Variants in STK32B observed in about 807,000 individuals in gnomAD.
STK32B encodes the protein serine/threonine-protein kinase 32B.
A neutral mutation model predicts 52.6 loss-of-function variants in STK32B; 43 were observed. The observed-to-expected ratio is 0.82, with a 90% confidence interval of 0.64 to 1.05. The LOEUF (loss-of-function observed/expected upper bound fraction) is 1.05, where lower values mean the gene tolerates loss of function less well. Ranked by LOEUF, STK32B falls within the 50% of genes least tolerant of loss-of-function variation. The pLI is 0.00. For synonymous variants in STK32B, 238 were observed against 204.3 expected, an observed-to-expected ratio of 1.17 and a Z score of -1.41; for missense variants, 621 against 534.6, an observed-to-expected ratio of 1.16 and a Z score of -1.59.
upstream of STK32B, chr4:5,051,323 GACAAACCGCTT>G: frequency 6.4e-6 from 1 of 156,244 alleles, no homozygotes; most frequent in African/African-American, 2.4e-5. Flanking sequence ...AGTGGGTGCT[GACAAACCGCTT>G]ACTGCCTGCA....
intron 3 of STK32B, among the ~76,000 whole-genome samples, chr4:5,190,086 G>T (rs1021877140): frequency 9.9e-5 from 15 of 152,086 alleles, no homozygotes; most frequent in African/African-American, 3.6e-4. Flanking sequence ...CACTGAACTG[G>T]AAACCAGAAT....
intron 1 of STK32B, among the ~76,000 whole-genome samples, chr4:5,095,362 C>A (rs927725981): frequency 6.6e-6 from 1 of 152,300 alleles, no homozygotes; most frequent in South Asian, 2.1e-4. Context: ...CACCTGTAAT[C>A]CCACCACTTT....
intron 1 of STK32B, among the ~76,000 whole-genome samples, chr4:5,089,815 C>T (rs879004040): frequency 1.3e-5 from 2 of 152,174 alleles, no homozygotes; most frequent in East Asian, 3.9e-4. Flanking sequence ...TTTGCATTCC[C>T]ACCAACAGTG....
chr4:5,234,113 C>T (rs1020020465), intron 3 of STK32B, among the ~76,000 whole-genome samples: 13 of 152,002 alleles, frequency 8.6e-5, no homozygotes, highest in African/African-American at 3.1e-4. Flanking sequence ...AGGTTCTTGA[C>T]GTGGTTCATT....
chr4:5,331,497 T>C (rs1271889493), intron 4 of STK32B, 104 bp downstream of exon 4: 1 of 1,279,892 alleles, frequency 7.8e-7, no homozygotes, highest in Non-Finnish European at 1.1e-6. Flanking sequence ...TGACATGGTT[T>C]AAAAGTGGTA....
At chr4:5,170,295 T>C (rs533621739) in intron 3 of STK32B, among the ~76,000 whole-genome samples, 3 of 152,014 alleles carry the variant, frequency 2.0e-5, no homozygotes, top group Non-Finnish European at 2.9e-5. Flanking sequence ...TTAGGCACCT[T>C]TTTTTATTTT....
At chr4:5,241,496 A>C (rs1708852604) in intron 3 of STK32B, among the ~76,000 whole-genome samples, 1 of 152,172 alleles carries the variant, frequency 6.6e-6, no homozygotes, top group Non-Finnish European at 1.5e-5. Context: ...TGCAGGTGGA[A>C]TCCATTGGAA....
At chr4:5,196,835 A>G (rs566679286) in intron 3 of STK32B, among the ~76,000 whole-genome samples, 1 of 152,350 alleles carries the variant, frequency 6.6e-6, no homozygotes, top group Non-Finnish European at 1.5e-5. Context: ...AGCCAGGAAT[A>G]AATCCAGATC....
intron 1 of STK32B, among the ~76,000 whole-genome samples, chr4:5,079,787 T>C (rs1712301436): frequency 6.6e-6 from 1 of 152,118 alleles, no homozygotes; most frequent in Non-Finnish European, 1.5e-5. Context: ...GTCACTGCAG[T>C]AGTCTGGACT....
chr4:5,211,169 C>G (rs1012672314), intron 3 of STK32B, among the ~76,000 whole-genome samples: 5 of 152,152 alleles, frequency 3.3e-5, no homozygotes, highest in African/African-American at 9.7e-5. Context: ...AGAATTCCTT[C>G]AGTAAAGAAC....
intron 11 of STK32B, among the ~76,000 whole-genome samples, chr4:5,488,174 C>T (rs190469746): frequency 5.3e-5 from 8 of 152,188 alleles, no homozygotes; most frequent in East Asian, 1.9e-4. Context: ...GGCACATTCC[C>T]GTAATCCCAG....
chr4:5,367,398 A>G (rs1734946079), intron 4 of STK32B, among the ~76,000 whole-genome samples: 1 of 152,136 alleles, frequency 6.6e-6, no homozygotes, highest in Non-Finnish European at 1.5e-5. Flanking sequence ...TCAGGTAGAG[A>G]AGGGTTTTGA....
chr4:5,447,719 C>T (rs910074350), intron 7 of STK32B, among the ~76,000 whole-genome samples: 3 of 152,222 alleles, frequency 2.0e-5, no homozygotes, highest in African/African-American at 7.2e-5. Context: ...TGTCACTTCA[C>T]CATGTCTCAG....
intron 1 of STK32B, among the ~76,000 whole-genome samples, chr4:5,100,644 TTC>T (rs1287762701): frequency 6.1e-5 from 8 of 131,746 alleles, no homozygotes; most frequent in African/African-American, 8.7e-5. Context: ...CTTTCTTTCT[TTC>T]TCTCTTTCTC....
intron 3 of STK32B, among the ~76,000 whole-genome samples, chr4:5,308,421 CT>C (rs1472322040): frequency 1.3e-5 from 2 of 151,904 alleles, no homozygotes; most frequent in African/African-American, 4.8e-5. Context: ...AAGTATGTGA[CT>C]TTAAGTAATC....
At chr4:5,383,376 G>A (rs1736052304) in intron 4 of STK32B, among the ~76,000 whole-genome samples, 1 of 152,190 alleles carries the variant, frequency 6.6e-6, no homozygotes, top group Admixed American at 6.5e-5. Context: ...CCGGCTCCCA[G>A]AGGAATCCGA....
intron 2 of STK32B, among the ~76,000 whole-genome samples, chr4:5,146,310 G>T (rs528244055): frequency 6.6e-6 from 1 of 152,162 alleles, no homozygotes; most frequent in Non-Finnish European, 1.5e-5. Flanking sequence ...AACCGAAAAT[G>T]CAGCCTTCAG....
intron 11 of STK32B, among the ~76,000 whole-genome samples, chr4:5,494,399 C>T (rs7658757): frequency 0.04 from 5,852 of 147,554 alleles, 414 homozygotes; most frequent in African/African-American, 0.15. Context: ...GATTGCAACC[C>T]CTGCCTTTTT....
chr4:5,491,383 G>T (rs1171352263), intron 11 of STK32B, among the ~76,000 whole-genome samples: 1 of 152,202 alleles, frequency 6.6e-6, no homozygotes, highest in Admixed American at 6.5e-5. Flanking sequence ...CTTCTTTTGA[G>T]AAGTGTCTGT....
Sources: allele counts gnomAD v4.1 joint callset (sites outside exome capture counted in the v4.1 genomes callset), GRCh38; gene constraint gnomAD v4.1.1; transcripts MANE v1.5; gene names NCBI Gene and HGNC (gene_info 2026-07-23, HGNC 2026-07-21).